DHTKD1: variants seen among roughly 807,000 people sequenced by gnomAD.
DHTKD1 encodes the protein 2-oxoadipate dehydrogenase complex component E1.
DHTKD1 carries 78 observed loss-of-function variants against 101.8 expected under a neutral mutation model. That is an observed-to-expected ratio of 0.77 (90% confidence interval 0.64 to 0.93). The LOEUF (loss-of-function observed/expected upper bound fraction) is 0.93. Among genes scored for constraint, DHTKD1 ranks in the 40% least tolerant of loss-of-function variants. DHTKD1 has a pLI of 0.00. For synonymous variants in DHTKD1, 462 were observed against 450.3 expected (o/e 1.03, Z -0.33); for missense variants, 1,223 against 1,161.7 (o/e 1.05, Z -0.77).
intron 12 of DHTKD1, 73 bp downstream of exon 12, chr10:12,108,088 G>C: frequency 9.2e-7 from 1 of 1,086,170 alleles, no homozygotes; most frequent in Non-Finnish European, 1.4e-6. Flanking sequence ...CCTGCGGATA[G>C]CTTAACGCCC....
chr10:12,108,887 C>G (rs548418803), intron 12 of DHTKD1, among the ~76,000 whole-genome samples: 2 of 152,242 alleles, frequency 1.3e-5, no homozygotes, highest in South Asian at 4.2e-4. Flanking sequence ...TGCAGTGGCT[C>G]ACACCTGTAA....
At position 12,087,773 on chromosome 10, in the gene DHTKD1, T is replaced by C; in HGVS notation, c.717+44T>C. ...TTTCTCAGTAGCACTATATGATTGA[T>C]TGTAACAGAATAAAACTGCTGGTTT... On this transcript the variant is annotated intron_variant, in intron 4 of 16. Coordinates refer to ENST00000263035, the MANE Select transcript of DHTKD1 (RefSeq NM_018706.7). This position sits in a 1 kb window ranked among gnomAD's most constrained non-coding sequence, Gnocchi z 5.2. 2 of 1,468,644 alleles carry C rather than the reference T, an allele frequency of 1.4e-6. No homozygotes were observed. The allele number at this position is 1,468,644 out of a possible 1,614,324, so 91.0% of individuals were successfully genotyped here.
Position 12,092,026 on chromosome 10 carries a change from G to T in DHTKD1, c.1159+342G>T, listed in dbSNP as rs115233469. Reference sequence around the variant, plus strand: ...CTTGCTCTGTTGCCCTTTCCAGCTTGTACTCCATGCTGGAGTACGTGATCT... The same window carrying T: ...CTTGCTCTGTTGCCCTTTCCAGCTTTTACTCCATGCTGGAGTACGTGATCT... On this transcript the variant is annotated intron_variant, in intron 6 of 16. Coordinates refer to ENST00000263035, the MANE Select transcript of DHTKD1 (RefSeq NM_018706.7). 6.3e-3 allele frequency among the ~76,000 whole-genome samples: 819 copies of T among 130,596 alleles called. 12 individuals carry two copies. Among genetic ancestry groups the T allele is most frequent in the African/African-American group, 0.023 (778 of 34,462 alleles). The allele number at this position is 130,596 out of a possible 152,430, so 85.7% of individuals were successfully genotyped here.
chr10:12,081,671 AG>A, intron 2 of DHTKD1, 44 bp downstream of exon 2: 2 of 1,608,276 alleles, frequency 1.2e-6, no homozygotes, highest in Non-Finnish European at 1.7e-6. Context: ...GCTGCACACC[AG>A]GCCAGGCTCC....
chr10:12,111,045 CAAAAA>C (rs35420105), intron 12 of DHTKD1, among the ~76,000 whole-genome samples: 1 of 100,758 alleles, frequency 9.9e-6, no homozygotes, highest in African/African-American at 4.0e-5. Flanking sequence ...GACCCTGTCT[CAAAAA>C]AAAAAAAAAA....
At chr10:12,119,507 T>C (rs890825621) in intron 15 of DHTKD1, among the ~76,000 whole-genome samples, 13 of 149,274 alleles carry the variant, frequency 8.7e-5, no homozygotes, top group Admixed American at 2.7e-4. Flanking sequence ...TCCCAGCTAC[T>C]TGGGAGGCTG....
intron 4 of DHTKD1, among the ~76,000 whole-genome samples, chr10:12,088,618 C>T (rs1314399734): frequency 1.3e-5 from 2 of 152,120 alleles, no homozygotes; most frequent in African/African-American, 4.8e-5. Context: ...TAATCTCGCT[C>T]TGTCACCCAG....
chr10:12,091,761 C>T, intron 6 of DHTKD1, 77 bp downstream of exon 6: 1 of 1,192,484 alleles, frequency 8.4e-7, no homozygotes, highest in Non-Finnish European at 1.2e-6. Flanking sequence ...GCACACAGAA[C>T]AATGAGCCTC....
rs1833137218 is a variant in DHTKD1, at chr10:12,100,172, T to G, written c.1672-6T>G. ...TTCCTTTTTTTTCTTCCTCTGAATT[T>G]TACAGTCCAGAATGGAGAAGATGAT... On this transcript the variant is annotated splice_region_variant and splice_polypyrimidine_tract_variant and intron_variant, in intron 8 of 16. Coordinates refer to ENST00000263035, the MANE Select transcript of DHTKD1 (RefSeq NM_018706.7). The G allele has an allele frequency of 5.2e-6, 8 of 1,541,848 alleles. No individual in the cohort carries two copies. The highest frequency in any genetic ancestry group is 7.0e-6 in the Non-Finnish European group (8 of 1,140,324).
In DHTKD1 at chr10:12,104,254, C is replaced by T. The variant is rs115273002; in HGVS notation, c.1897-1992C>T. Among the ~76,000 whole-genome samples, 909 of 152,214 alleles carry T rather than the reference C, an allele frequency of 6.0e-3. 11 individuals are homozygous for T. The highest frequency in any genetic ancestry group is 0.021 in the African/African-American group (868 of 41,538). The stretch of plus-strand genomic sequence containing the variant: ...AGTGCAGTGGCGCAACCTCGGCTCA[C>T]TGCAACCTCAGATTCCTAGGTTAAA... On this transcript the variant is annotated intron_variant, in intron 10 of 16. Coordinates refer to ENST00000263035, the MANE Select transcript of DHTKD1 (RefSeq NM_018706.7).
intron 3 of DHTKD1, among the ~76,000 whole-genome samples, chr10:12,086,982 T>C (rs1184180344): frequency 6.6e-6 from 1 of 152,140 alleles, no homozygotes; most frequent in Non-Finnish European, 1.5e-5. Flanking sequence ...CCACCATGCC[T>C]GGCCTGGTCT....
chr10:12,105,279 G>C (rs1275237919), intron 10 of DHTKD1, among the ~76,000 whole-genome samples: 1 of 151,866 alleles, frequency 6.6e-6, no homozygotes, highest in Non-Finnish European at 1.5e-5. Context: ...ACCAAAGGTA[G>C]GACTTTATTT....
chr10:12,071,244 G>A (rs542231732), intron 1 of DHTKD1, among the ~76,000 whole-genome samples: 1 of 152,198 alleles, frequency 6.6e-6, no homozygotes, highest in East Asian at 1.9e-4. Context: ...CGTTCCCATT[G>A]TCCAAAACTT....
chr10:12,113,741 C>A (rs922339432), intron 13 of DHTKD1, among the ~76,000 whole-genome samples: 5 of 151,966 alleles, frequency 3.3e-5, no homozygotes, highest in African/African-American at 1.2e-4. Context: ...ACCTGGGCAA[C>A]ATTGCAAGAC....
At chr10:12,104,165 G>A (rs1274769774) in intron 10 of DHTKD1, among the ~76,000 whole-genome samples, 2 of 152,158 alleles carry the variant, frequency 1.3e-5, no homozygotes, top group African/African-American at 4.8e-5. Flanking sequence ...ATCCATGCAT[G>A]CAGCATGTAT....
intron 5 of DHTKD1, among the ~76,000 whole-genome samples, chr10:12,090,428 T>TTCCTTCCTTCC (rs1334720304): frequency 8.4e-6 from 1 of 119,760 alleles, no homozygotes. Context: ...TTCCTTCCTT[T>TTCCTTCCTTCC]TTCCTTCCTT....
intron 1 of DHTKD1, among the ~76,000 whole-genome samples, chr10:12,078,610 C>T (rs1385934878): frequency 6.6e-6 from 1 of 151,696 alleles, no homozygotes. Flanking sequence ...GACTCCGTCT[C>T]AAAAAAAAGA....
intron 1 of DHTKD1, among the ~76,000 whole-genome samples, chr10:12,080,710 GAAA>G (rs35514505): frequency 1.5e-5 from 2 of 136,290 alleles, no homozygotes; most frequent in Admixed American, 7.4e-5. Context: ...GACAATGTCT[GAAA>G]AAAAAAAAAA....
intron 1 of DHTKD1, among the ~76,000 whole-genome samples, chr10:12,073,248 G>C (rs1368108586): frequency 6.6e-6 from 1 of 151,918 alleles, no homozygotes; most frequent in Non-Finnish European, 1.5e-5. Flanking sequence ...GGCCAGGGTG[G>C]TATCGAACTC....
Sources: allele counts gnomAD v4.1 joint callset (sites outside exome capture counted in the v4.1 genomes callset), GRCh38; gene constraint gnomAD v4.1.1; non-coding constraint Gnocchi (gnomAD v3.1); transcripts MANE v1.5; gene names NCBI Gene and HGNC (gene_info 2026-07-23, HGNC 2026-07-21).